PCDHGA1: variants seen among roughly 807,000 people sequenced by gnomAD.
PCDHGA1 encodes protocadherin gamma subfamily A, 1, also known as protocadherin gamma-A1.
A neutral mutation model predicts 58.0 loss-of-function variants in PCDHGA1; 32 were observed. The observed-to-expected ratio is 0.55, with a 90% CI of 0.42 to 0.74. The LOEUF (loss-of-function observed/expected upper bound fraction) is 0.74. Among genes scored for constraint, PCDHGA1 ranks in the 30% least tolerant of loss-of-function variants. The probability of loss-of-function intolerance (pLI) is 0.00; values close to 1 mark genes in which losing one functional copy is unlikely to be tolerated. For synonymous variants in PCDHGA1, 498 were observed against 501.1 expected, an observed-to-expected ratio of 0.99 and a Z score of 0.08; for missense variants, 1,205 against 1,182.3, an observed-to-expected ratio of 1.02 and a Z score of -0.28.
rs1459105534 is a variant in PCDHGA1 at position 141,366,603 on chromosome 5, C to T, written c.2421+33498C>T. 5 of 1,614,108 alleles carry T rather than the reference C, an allele frequency of 3.1e-6. No homozygotes were observed. The Admixed American group carries it at 8.3e-5, about 27-fold the overall frequency. ...CTGCAGACCTATTCCCACGAGGTCT[C>T]CCTCACCGCGGACTCGAGGAAGAGT... is the stretch of plus-strand genomic sequence containing the variant. On this transcript the variant is annotated intron_variant, in intron 1 of 3. Transcript: ENST00000517417.
At chr5:141,504,528 C>T (rs750099460) in intron 2 of PCDHGA1, among the ~76,000 whole-genome samples, 2 of 151,854 alleles carry the variant, frequency 1.3e-5, no homozygotes, top group Non-Finnish European at 2.9e-5. Flanking sequence ...ATATTTTATT[C>T]GTGTCATCAT....
chr5:141,393,905 A>G, intron 1 of PCDHGA1: 1 of 1,614,030 alleles, frequency 6.2e-7, no homozygotes, highest in Non-Finnish European at 8.5e-7. Flanking sequence ...TTCCCGGGAC[A>G]GTAATTGCCT....
At chr5:141,498,588 A>G (rs1326073516) in intron 2 of PCDHGA1, among the ~76,000 whole-genome samples, 1 of 152,082 alleles carries the variant, frequency 6.6e-6, no homozygotes, top group Non-Finnish European at 1.5e-5. Context: ...GTTCTTCAGT[A>G]AACTTGGTTC....
chr5:141,512,262 C>G lies in PCDHGA1; in HGVS notation c.*1089C>G, dbSNP rs925517361. On this transcript the variant is annotated 3_prime_UTR_variant, in exon 4 of 4. Transcript: ENST00000517417. ...GAGGGGCCTCTGTGGGTGCTGGGTA[C>G]TCCAGAGGTGCCACTGGTGGAAGGG... 1 of 152,712 alleles carries G rather than the reference C, an allele frequency of 6.5e-6. No homozygotes were observed. The highest frequency in any genetic ancestry group is 2.4e-5 in the African/African-American group (1 of 41,452). 9.5% of individuals were successfully genotyped at this position (152,712 alleles called of 1,614,324 possible).
Position 141,331,863 on chromosome 5 carries a change from A to G in PCDHGA1, c.1179A>G (p.Lys393=). ...TCFIPGNLPF[K]LEKLVDNYYR... is the part of the protein sequence containing the mutation. ...TCATTCCTGGAAATTTACCCTTTAA[A>G]TTGGAAAAGTTAGTTGATAATTATT... The change falls in exon 1 of 4, where the codon AAA becomes AAG. Residue 393 remains lysine, a synonymous_variant. Coordinates refer to ENST00000517417, the MANE Select transcript of PCDHGA1 (RefSeq NM_018912.3). 1 of 1,614,194 alleles carries G rather than the reference A, an allele frequency of 6.2e-7. No homozygotes were observed. The highest frequency in any genetic ancestry group is 8.5e-7 in the Non-Finnish European group (1 of 1,180,040).
chr5:141,331,782 T>G lies in PCDHGA1; in HGVS notation c.1098T>G (p.Ile366Met). 6.2e-7 allele frequency: 1 copy of G among 1,614,194 alleles called. No individual in the cohort carries two copies. Among genetic ancestry groups the G allele is most frequent in the African/African-American group, 1.3e-5 (1 of 75,042 alleles). ...AAAACTTTCCTCCTGGGACCATAAT[T>G]GCTCTTATCAGTGTGCATGACCAGG... is the stretch of plus-strand genomic sequence containing the variant. ...VPENFPPGTI[I>M]ALISVHDQDS... The change falls in exon 1 of 4, where the codon ATT (isoleucine) becomes ATG (methionine). Residue 366 changes from isoleucine to methionine, a missense_variant. Transcript: ENST00000517417.
Position 141,489,533 on chromosome 5 carries a change from C to G in PCDHGA1, c.2422-5274C>G, listed in dbSNP as rs754586925. The G allele has an allele frequency of 6.2e-7, 1 of 1,614,086 alleles. No individual in the cohort carries two copies. The highest frequency in any genetic ancestry group is 1.7e-5 in the Admixed American group (1 of 60,030). ...ATTGACCGAGAAAGCCTATGTGGAG[C>G]CAGCACCAGCTGCCTGCTGCCAGTG... On this transcript the variant is annotated intron_variant, in intron 1 of 3. Coordinates refer to ENST00000517417, the MANE Select transcript of PCDHGA1 (RefSeq NM_018912.3). The surrounding 1 kb of genome is among the most constrained non-coding windows in gnomAD (Gnocchi z 4.5).
chr5:141,384,735 C>T (rs1258816819), intron 1 of PCDHGA1: 9 of 1,614,026 alleles, frequency 5.6e-6, no homozygotes, highest in Non-Finnish European at 6.8e-6. Flanking sequence ...TTAAGGCCAG[C>T]GAGCCAGGAC....
Position 141,502,395 on chromosome 5 carries a change from G to A in PCDHGA1, c.2481-2998G>A, listed in dbSNP as rs115188718. The stretch of plus-strand genomic sequence containing the variant: ...GTCCAGGCCAGTTGTACTTTAAAAT[G>A]TCCCCGAACCTGGATTTGCTGGCTA... On this transcript the variant is annotated intron_variant, in intron 2 of 3. Transcript: ENST00000517417. Among the ~76,000 whole-genome samples, 610 of 151,894 alleles carry A rather than the reference G, an allele frequency of 4.0e-3. 3 individuals carry two copies. Among genetic ancestry groups the A allele is most frequent in the African/African-American group, 0.013 (553 of 41,410 alleles).
chr5:141,341,447 A>G (rs1208592355), intron 1 of PCDHGA1: 10 of 1,609,036 alleles, frequency 6.2e-6, no homozygotes, highest in African/African-American at 1.3e-5. Context: ...GAAGTAATTC[A>G]CTTACTTGTT....
chr5:141,471,843 T>C (rs1471729261), intron 1 of PCDHGA1, among the ~76,000 whole-genome samples: 2 of 152,166 alleles, frequency 1.3e-5, no homozygotes, highest in Admixed American at 6.5e-5. Context: ...TTTAATAAAA[T>C]ATTCAGAAAA....
intron 1 of PCDHGA1, chr5:141,357,694 A>G (rs756497559): frequency 3.9e-6 from 6 of 1,521,212 alleles, no homozygotes; most frequent in Middle Eastern, 1.7e-4. Flanking sequence ...CTCTCATTTT[A>G]TATGTAATAT....
intron 1 of PCDHGA1, chr5:141,357,158 CT>C (rs1186682296): frequency 1.2e-6 from 2 of 1,613,554 alleles, no homozygotes; most frequent in Middle Eastern, 1.6e-4. Flanking sequence ...GGCCAGCCCC[CT>C]CTCTCGGCCA....
chr5:141,368,358 T>C (rs975502354), intron 1 of PCDHGA1, among the ~76,000 whole-genome samples: 9 of 151,988 alleles, frequency 5.9e-5, no homozygotes, highest in African/African-American at 1.9e-4. Flanking sequence ...CACACATATA[T>C]ATACACACAT....
At chr5:141,352,496 T>C in intron 1 of PCDHGA1, 3 of 1,614,040 alleles carry the variant, frequency 1.9e-6, no homozygotes, top group Non-Finnish European at 2.5e-6. Flanking sequence ...GACTTTGCCC[T>C]ATTCCTACAA....
At chr5:141,391,839 T>G (rs995589062) in intron 1 of PCDHGA1, 1 of 152,244 alleles carries the variant, frequency 6.6e-6, no homozygotes, top group Non-Finnish European at 1.5e-5. Context: ...AGAATATATG[T>G]AAAAGTCAAG....
At chr5:141,344,263 T>A (rs370212057) in intron 1 of PCDHGA1, 1 of 1,614,066 alleles carries the variant, frequency 6.2e-7, no homozygotes, top group South Asian at 1.1e-5. Context: ...CTTTTCTCTC[T>A]GAATCCGCAA....
Position 141,436,047 on chromosome 5 carries a change from T to G in PCDHGA1, c.2422-58760T>G, listed in dbSNP as rs141900903. On this transcript the variant is annotated intron_variant, in intron 1 of 3. Transcript: ENST00000517417. ...ATACTAAATTTGTATTTACATTAGT[T>G]TTCAAATAGAATTTAATAAGTACAG... is the stretch of plus-strand genomic sequence containing the variant. Among the ~76,000 whole-genome samples the G allele has an allele frequency of 1.0e-2, 1,517 of 152,280 alleles. 31 individuals carry two copies. The highest frequency in any genetic ancestry group is 0.034 in the African/African-American group (1,420 of 41,552).
chr5:141,352,508 C>G (rs774085547), intron 1 of PCDHGA1: 2 of 1,614,022 alleles, frequency 1.2e-6, no homozygotes, highest in Non-Finnish European at 8.5e-7. Context: ...TTCCTACAAT[C>G]TATGTATTGC....
Sources: gnomAD v4.1 joint callset for allele counts (sites outside exome capture counted in the v4.1 genomes callset) on GRCh38, gnomAD v4.1.1 for gene constraint, Gnocchi (gnomAD v3.1) non-coding constraint, MANE v1.5 for transcripts, NCBI Gene and HGNC (gene_info 2026-07-23, HGNC 2026-07-21) for gene names.